VRK2: variants seen among roughly 807,000 people sequenced by gnomAD.
VRK2 encodes the protein serine/threonine-protein kinase VRK2.
Under a neutral mutation model 57.6 loss-of-function variants are expected in VRK2, and 60 were observed. That is an observed-to-expected ratio of 1.04 (90% CI 0.85 to 1.29). The LOEUF is 1.29. VRK2 is among the 50% of genes most tolerant of loss of function. VRK2 has a pLI of 0.00. For missense variants in VRK2, 705 were observed against 588.1 expected (o/e 1.20, Z -2.06); for synonymous variants, 231 against 199.2 (o/e 1.16, Z -1.35).
intron 2 of VRK2, among the ~76,000 whole-genome samples, chr2:58,028,680 G>C (rs1490481029): frequency 6.6e-6 from 1 of 150,866 alleles, no homozygotes; most frequent in East Asian, 2.0e-4. Flanking sequence ...GGTGGGAACT[G>C]AACAATGAGA....
rs1205697238 is a variant in VRK2 at position 58,073,636 on chromosome 2, TTA to T, written c.137-10437_137-10436del. 4.3e-3 allele frequency among the ~76,000 whole-genome samples: 498 copies of T among 116,890 alleles called. 8 individuals carry two copies. Among genetic ancestry groups the T allele is most frequent in the African/African-American group, 0.016 (465 of 29,448 alleles). The allele number at this position is 116,890 out of a possible 152,430, so 76.7% of individuals were successfully genotyped here. A position where few individuals can be genotyped will look rare whatever the true frequency, so the allele number is the denominator to read the frequency against. On this transcript the variant is annotated intron_variant, in intron 2 of 12. Coordinates refer to ENST00000340157, the MANE Select transcript of VRK2 (RefSeq NM_006296.7). ...CTATAGAGGGGCAGAACTAATAGGATTATATATATATATATATTTATATTTAT... is the reference window on the plus strand; with the variant it reads ...CTATAGAGGGGCAGAACTAATAGGATTATATATATATATATTTATATTTAT...
intron 7 of VRK2, among the ~76,000 whole-genome samples, chr2:58,112,130 G>C (rs551909449): frequency 4.6e-5 from 7 of 152,124 alleles, no homozygotes; most frequent in Non-Finnish European, 1.0e-4. Flanking sequence ...TGAAAAAAGA[G>C]AATGGAATTT....
chr2:57,939,086 G>C (rs1671010479), intron 1 of VRK2, among the ~76,000 whole-genome samples: 1 of 152,162 alleles, frequency 6.6e-6, no homozygotes, highest in African/African-American at 2.4e-5. Context: ...GAGTAGAAAA[G>C]GGAAGAGCAG....
chr2:57,999,879 A>G (rs1198919718), intron 1 of VRK2, among the ~76,000 whole-genome samples: 2 of 152,206 alleles, frequency 1.3e-5, no homozygotes, highest in Non-Finnish European at 2.9e-5. Context: ...TTAGTGGCTC[A>G]TGCCTATAAT....
chr2:58,075,727 G>A (rs28452374), intron 2 of VRK2, among the ~76,000 whole-genome samples: 11,858 of 152,142 alleles, frequency 0.078, 488 homozygotes, highest in South Asian at 0.12. Context: ...AGGTGAGATA[G>A]GAAAGCTAGA....
intron 1 of VRK2, among the ~76,000 whole-genome samples, chr2:58,023,127 A>G (rs1673814967): frequency 6.6e-6 from 1 of 152,186 alleles, no homozygotes; most frequent in Non-Finnish European, 1.5e-5. Flanking sequence ...ATTAAAGAAT[A>G]ACTCCACATA....
chr2:58,127,851 C>G (rs1436900594), intron 8 of VRK2, among the ~76,000 whole-genome samples: 1 of 152,080 alleles, frequency 6.6e-6, no homozygotes, highest in East Asian at 1.9e-4. Context: ...AAGAAATAAA[C>G]AGAAAACACT....
At chr2:58,106,803 G>A (rs1353134240) in intron 7 of VRK2, among the ~76,000 whole-genome samples, 1 of 151,956 alleles carries the variant, frequency 6.6e-6, no homozygotes, top group East Asian at 1.9e-4. Context: ...CTATAGTTTT[G>A]AAAACTATAT....
chr2:57,909,000 C>A (rs1669908185), intron 1 of VRK2, among the ~76,000 whole-genome samples: 1 of 152,072 alleles, frequency 6.6e-6, no homozygotes, highest in Admixed American at 6.5e-5. Context: ...TAGGATATAC[C>A]AAATAAGGCA....
At chr2:58,047,480 G>C in intron 1 of VRK2, 13 of 985,308 alleles carry the variant, frequency 1.3e-5, no homozygotes, top group Non-Finnish European at 1.4e-5. Flanking sequence ...TGTACATTTC[G>C]TAGAGTCTCC....
chr2:57,998,647 G>A (rs2103618705), intron 1 of VRK2, among the ~76,000 whole-genome samples: 1 of 152,236 alleles, frequency 6.6e-6, no homozygotes. Context: ...GAACGGGCCT[G>A]ATGAACCATA....
Position 58,129,837 on chromosome 2 carries a change from G to T in VRK2, c.677-1971G>T, listed in dbSNP as rs571801705. On this transcript the variant is annotated intron_variant, in intron 8 of 12. Coordinates refer to ENST00000340157, the MANE Select transcript of VRK2 (RefSeq NM_006296.7). ...GGAAAGGAAAGGGTGACTATTGGGTGTTCTTTTTATCACTGCATGCATTTA... is the reference window on the plus strand; with the variant it reads ...GGAAAGGAAAGGGTGACTATTGGGTTTTCTTTTTATCACTGCATGCATTTA... 2.6e-5 allele frequency among the ~76,000 whole-genome samples: 4 copies of T among 152,220 alleles called. No homozygotes were observed. In the South Asian group the frequency reaches 8.3e-4, roughly 32 times the overall value.
chr2:58,064,482 T>C (rs547976532), intron 2 of VRK2, among the ~76,000 whole-genome samples: 1 of 152,266 alleles, frequency 6.6e-6, no homozygotes, highest in African/African-American at 2.4e-5. Context: ...ATAAAATATT[T>C]TTAAATTAAG....
intron 8 of VRK2, among the ~76,000 whole-genome samples, chr2:58,130,410 G>T (rs1458611027): frequency 6.6e-6 from 1 of 152,176 alleles, no homozygotes; most frequent in Non-Finnish European, 1.5e-5. Context: ...ATTTTAATAT[G>T]AGAGCCAAGT....
At chr2:58,006,083 T>C (rs1017695087) in intron 1 of VRK2, among the ~76,000 whole-genome samples, 5 of 152,268 alleles carry the variant, frequency 3.3e-5, no homozygotes, top group African/African-American at 1.2e-4. Flanking sequence ...GTAAAAAGTA[T>C]AACCCCTGAG....
At chr2:58,062,178 T>G (rs1300318024) in intron 2 of VRK2, among the ~76,000 whole-genome samples, 2 of 152,048 alleles carry the variant, frequency 1.3e-5, no homozygotes, top group African/African-American at 4.8e-5. Flanking sequence ...CAGTGATCTT[T>G]CTTGTGACTA....
At chr2:58,085,753 T>C (rs2104172552) in intron 4 of VRK2, among the ~76,000 whole-genome samples, 1 of 151,986 alleles carries the variant, frequency 6.6e-6, no homozygotes, top group East Asian at 1.9e-4. Context: ...TAAACTTGAT[T>C]GTTTATCAGT....
At chr2:58,016,514 G>A (rs185134673) in intron 1 of VRK2, among the ~76,000 whole-genome samples, 20 of 151,716 alleles carry the variant, frequency 1.3e-4, no homozygotes, top group Admixed American at 1.1e-3. Flanking sequence ...CACCATACCC[G>A]GCTAAGTTTT....
intron 9 of VRK2, 100 bp from the exon 10 acceptor site, chr2:58,135,041 A>G: frequency 7.7e-7 from 1 of 1,298,676 alleles, no homozygotes; most frequent in Non-Finnish European, 1.1e-6. Flanking sequence ...GAAAGTCACA[A>G]TTTTGGTGAC....
Sources: allele counts gnomAD v4.1 joint callset (sites outside exome capture counted in the v4.1 genomes callset), GRCh38; gene constraint gnomAD v4.1.1; transcripts MANE v1.5; gene names NCBI Gene and HGNC (gene_info 2026-07-23, HGNC 2026-07-21).